The following LRP2BP variants were observed in gnomAD, a reference collection of about 807,000 sequenced individuals.
The protein encoded by LRP2BP is LRP2 binding protein, also known as LRP2-binding protein.
In LRP2BP, 38 loss-of-function variants were observed where a neutral mutation model predicts 45.2. The ratio of observed to expected loss-of-function variants is 0.84; its 90% confidence interval spans 0.65 to 1.10. LRP2BP has a LOEUF of 1.10. Among genes scored for constraint, LRP2BP ranks in the 50% least tolerant of loss-of-function variants. The pLI is 0.00. For synonymous variants in LRP2BP, 153 were observed against 153.9 expected, an observed-to-expected ratio of 0.99 and a Z score of 0.04; for missense variants, 385 against 418.9, an observed-to-expected ratio of 0.92 and a Z score of 0.71.
chr4:185,373,499 A>G (rs1169935086), intron 6 of LRP2BP, among the ~76,000 whole-genome samples: 1 of 152,238 alleles, frequency 6.6e-6, no homozygotes, highest in African/African-American at 2.4e-5. Context: ...TGCTGCGATC[A>G]AAGACAACCC....
chr4:185,389,967 C>T (rs944583459), intron 1 of LRP2BP, among the ~76,000 whole-genome samples: 4 of 152,120 alleles, frequency 2.6e-5, no homozygotes, highest in East Asian at 1.9e-4. Context: ...AGTGTTCAAC[C>T]GTGAGAATTT....
intron 1 of LRP2BP, among the ~76,000 whole-genome samples, chr4:185,382,468 T>C (rs1333769576): frequency 6.6e-6 from 1 of 152,216 alleles, no homozygotes; most frequent in Non-Finnish European, 1.5e-5. Flanking sequence ...GGTTGTACCA[T>C]TTCACATCCC....
chr4:185,391,639 C>T (rs2095488684), intron 1 of LRP2BP, among the ~76,000 whole-genome samples: 1 of 152,112 alleles, frequency 6.6e-6, no homozygotes, highest in Admixed American at 6.6e-5. Flanking sequence ...GCTCCTGGGT[C>T]CCTTTCACAT....
At chr4:185,386,888 T>G (rs1374759934) in intron 1 of LRP2BP, among the ~76,000 whole-genome samples, 1 of 152,190 alleles carries the variant, frequency 6.6e-6, no homozygotes, top group Non-Finnish European at 1.5e-5. Flanking sequence ...ACGTACATGA[T>G]GTTTACTATT....
At chr4:185,382,078 T>C (rs2095457486) in intron 1 of LRP2BP, among the ~76,000 whole-genome samples, 1 of 152,186 alleles carries the variant, frequency 6.6e-6, no homozygotes, top group African/African-American at 2.4e-5. Flanking sequence ...TCTGTCTCTA[T>C]GGATTTGCCT....
chr4:185,382,200 T>G (rs1257035245), intron 1 of LRP2BP, among the ~76,000 whole-genome samples: 6 of 152,236 alleles, frequency 3.9e-5, no homozygotes, highest in Non-Finnish European at 4.4e-5. Context: ...CATGTATCAA[T>G]ATTTCATTCC....
Position 185,375,619 on chromosome 4 carries a change from T to TA in LRP2BP, c.323dup (p.Asp109ArgfsTer3). On this transcript the variant is annotated frameshift_variant, in exon 4 of 9. Coordinates refer to ENST00000505916, the MANE Select transcript of LRP2BP (RefSeq NM_001377440.1). LOFTEE classifies it high-confidence loss of function. ...GACCAAGACATTAACTTACAGCGTC[T>TA]AGAGTGGTCCCCAGCCCATCATAGT... The TA allele has an allele frequency of 1.3e-6, 2 of 1,599,430 alleles. No individual in the cohort carries two copies. Among genetic ancestry groups the TA allele is most frequent in the Non-Finnish European group, 8.5e-7 (1 of 1,171,290 alleles).
upstream of LRP2BP, chr4:185,396,564 G>A (rs1451383988): frequency 6.8e-6 from 2 of 293,608 alleles, no homozygotes; most frequent in Non-Finnish European, 1.3e-5. Context: ...CTGAGGCTCC[G>A]TGGGGCCGCC....
chr4:185,376,561 T>G (rs2095438606), intron 3 of LRP2BP, among the ~76,000 whole-genome samples: 1 of 151,708 alleles, frequency 6.6e-6, no homozygotes, highest in South Asian at 2.1e-4. Flanking sequence ...CCCGAAGTAC[T>G]GGGATTACAG....
chr4:185,371,554 A>T (rs2095416045), intron 7 of LRP2BP, among the ~76,000 whole-genome samples: 1 of 151,692 alleles, frequency 6.6e-6, no homozygotes, highest in South Asian at 2.1e-4. Context: ...AAAAAAAAAA[A>T]AAAAAAAAAG....
Position 185,368,576 on chromosome 4 carries a change from A to G in LRP2BP, c.979-1331T>C, listed in dbSNP as rs1005737053. Among the ~76,000 whole-genome samples the G allele has an allele frequency of 2.0e-5, 3 of 152,116 alleles. 1 individual carries two copies. The East Asian group carries it at 5.8e-4, about 29-fold the overall frequency. ...GAGGGAGACCATTTCTGTTCCTCAT[A>G]TCATGCGTCATATGATATCATTCCA... On this transcript the variant is annotated intron_variant, in intron 8 of 8. Transcript: ENST00000505916.
rs56883920 is a variant in LRP2BP, at chr4:185,394,264, T to TA, written c.-22+514dup. Among the ~76,000 whole-genome samples the TA allele has an allele frequency of 9.3e-3, 1,128 of 121,374 alleles. 6 individuals are homozygous for TA. The highest frequency in any genetic ancestry group is 0.014 in the Non-Finnish European group (845 of 59,488). 79.6% of individuals were successfully genotyped at this position (121,374 alleles called of 152,430 possible). A position where few individuals can be genotyped will look rare whatever the true frequency, so the allele number is the denominator to read the frequency against. ...AGACAGCGAGATTGTGTTTCAGAGT[T>TA]AAAAAAAAAAAAAAAAAAAAAGGCC... On this transcript the variant is annotated intron_variant, in intron 1 of 8. Coordinates refer to ENST00000505916, the MANE Select transcript of LRP2BP (RefSeq NM_001377440.1).
intron 7 of LRP2BP, among the ~76,000 whole-genome samples, chr4:185,371,807 G>A (rs1189769590): frequency 6.6e-6 from 1 of 152,124 alleles, no homozygotes; most frequent in African/African-American, 2.4e-5. Context: ...CCGAGACGCT[G>A]GGGAAGCGGG....
chr4:185,386,570 A>T (rs1470212494), intron 1 of LRP2BP, among the ~76,000 whole-genome samples: 2 of 152,182 alleles, frequency 1.3e-5, no homozygotes, highest in African/African-American at 4.8e-5. Flanking sequence ...GGGCAGGTGG[A>T]TTCCAGCCAT....
At position 185,366,969 on chromosome 4, in the gene LRP2BP, T is replaced by G; in HGVS notation, c.*211A>C. 2.0e-6 allele frequency: 1 copy of G among 504,530 alleles called. No individual in the cohort carries two copies. The highest frequency in any genetic ancestry group is 3.5e-6 in the Non-Finnish European group (1 of 282,364). The allele number at this position is 504,530 out of a possible 1,614,324, so 31.3% of individuals were successfully genotyped here. A position where few individuals can be genotyped will look rare whatever the true frequency, so the allele number is the denominator to read the frequency against. On this transcript the variant is annotated 3_prime_UTR_variant, in exon 9 of 9. Transcript: ENST00000505916. The stretch of plus-strand genomic sequence containing the variant: ...GTCTGTAGGGTAAGAGGTGGACCTC[T>G]GAGGACTCTTCCAGCAATTTGACCT...
intron 1 of LRP2BP, among the ~76,000 whole-genome samples, chr4:185,379,817 T>TCTCTCC (rs2095450202): frequency 1.3e-5 from 2 of 150,252 alleles, no homozygotes; most frequent in African/African-American, 5.0e-5. Context: ...CGCACTTCTC[T>TCTCTCC]CTCTCTCTCT....
rs1047651977 is a variant in LRP2BP, at chr4:185,375,665, G to A, written c.278C>T (p.Thr93Ile). 2 of 1,612,150 alleles carry A rather than the reference G, an allele frequency of 1.2e-6. No homozygotes were observed. The highest frequency in any genetic ancestry group is 1.7e-6 in the Non-Finnish European group (2 of 1,179,488). ...ATAGTACATCACTCCTAGCTGGTAA[G>A]TTGCTTGATGGTCTTTCTCCTTGAT... Reference protein sequence around the residue: ...EEIKEKDHQATYQLGVMYYDG... With the variant: ...EEIKEKDHQAIYQLGVMYYDG... Residue 93 changes from threonine to isoleucine, a missense_variant, in exon 4 of 9, where the codon ACT (threonine) becomes ATT (isoleucine). Physicochemically the swap from Thr to Ile is moderately conservative, Grantham distance 89. Transcript: ENST00000505916.
chr4:185,383,370 C>T (rs1049918931), intron 1 of LRP2BP, among the ~76,000 whole-genome samples: 8 of 152,162 alleles, frequency 5.3e-5, no homozygotes, highest in African/African-American at 1.7e-4. Context: ...GTCCTAGCTA[C>T]TCAGGAGGCT....
intron 1 of LRP2BP, among the ~76,000 whole-genome samples, chr4:185,382,348 G>C (rs191264820): frequency 6.6e-6 from 1 of 152,316 alleles, no homozygotes; most frequent in East Asian, 1.9e-4. Context: ...GTTTTTGTGA[G>C]GATACATGTT....
Sources: gnomAD v4.1 joint callset for allele counts (sites outside exome capture counted in the v4.1 genomes callset) on GRCh38, gnomAD v4.1.1 for gene constraint, MANE v1.5 for transcripts, NCBI Gene and HGNC (gene_info 2026-07-23, HGNC 2026-07-21) for gene names.